The following DNAH1 variants were observed in gnomAD, a reference collection of about 807,000 sequenced individuals.
DNAH1 encodes the protein dynein axonemal heavy chain 1.
Under a neutral mutation model 484.3 loss-of-function variants are expected in DNAH1, and 327 were observed. That is an observed-to-expected ratio of 0.68 (90% CI 0.62 to 0.74). The LOEUF is 0.74. Among genes scored for constraint, DNAH1 ranks in the 30% least tolerant of loss-of-function variants. DNAH1 has a pLI of 0.00. For missense variants in DNAH1, 5,052 were observed against 5,546.8 expected, an observed-to-expected ratio of 0.91 and a Z score of 2.83; for synonymous variants, 2,192 against 2,191.9, an observed-to-expected ratio of 1.00 and a Z score of 0.00.
Position 52,395,053 on chromosome 3 carries a change from A to G in DNAH1, c.10962A>G (p.Glu3654=), listed in dbSNP as rs2153225700. The G allele has an allele frequency of 1.2e-6, 2 of 1,607,878 alleles. No homozygotes were observed. Among genetic ancestry groups the G allele is most frequent in the Non-Finnish European group, 1.7e-6 (2 of 1,177,286 alleles). ...VATNLEPRFI[E]PQTANLSVVF... ...CCAACCTGGAGCCACGCTTCATTGA[A>G]CCCCAGGCAAGTGCTGGAACCCTGG... is the stretch of plus-strand genomic sequence containing the variant. Residue 3654 remains glutamate (E), a synonymous_variant, in exon 68 of 78, where the codon GAA becomes GAG. Transcript: ENST00000420323. This position sits in a 1 kb window ranked among gnomAD's most constrained non-coding sequence, Gnocchi z 4.4.
intron 18 of DNAH1, among the ~76,000 whole-genome samples, 159 bp from the exon 19 acceptor site, chr3:52,352,944 G>A (rs374916893): frequency 2.0e-5 from 3 of 152,216 alleles, no homozygotes; most frequent in African/African-American, 7.2e-5. Context: ...CAGGTGGGAA[G>A]AGAAGAAGGG....
chr3:52,385,406 G>A lies in DNAH1; in HGVS notation c.8584G>A (p.Glu2862Lys), dbSNP rs1704058972. ...DLESMHPLLE[E>K]AAKDTMLTME... ...GGAGAGTATGCACCCCCTGCTGGAG[G>A]AGGCTGCCAAGGACACCATGCTCAC... Residue 2862 changes from glutamate to lysine, a missense_variant, in exon 54 of 78, where the codon GAG becomes AAG. Glu to Lys is a moderately conservative substitution (Grantham distance 56). Around this residue, in one of 4 missense-constraint regions of DNAH1, gnomAD observed 2,929 missense variants for 3,409.4 expected, o/e 0.86. Transcript: ENST00000420323. 6.4e-7 allele frequency: 1 copy of A among 1,552,666 alleles called. No homozygotes were observed. Among genetic ancestry groups the A allele is most frequent in the Non-Finnish European group, 8.7e-7 (1 of 1,147,494 alleles).
Position 52,378,659 on chromosome 3 carries a change from T to C in DNAH1, c.7256T>C (p.Val2419Ala). 3 of 1,613,640 alleles carry C rather than the reference T, an allele frequency of 1.9e-6. No individual in the cohort carries two copies. Among genetic ancestry groups the C allele is most frequent in the East Asian group, 4.5e-5 (2 of 44,866 alleles). ...CCCCTTGTGGAAGCCACCATCATGGTGTATGCAACCATCACCTCCCAGCTG... is the reference window on the plus strand; with the variant it reads ...CCCCTTGTGGAAGCCACCATCATGGCGTATGCAACCATCACCTCCCAGCTG... ...TEPLVEATIM[V>A]YATITSQLLP... Residue 2419 changes from valine (V) to alanine (A), a missense_variant, in exon 47 of 78, where the codon GTG becomes GCG. This residue lies in a region of DNAH1 where 2,929 missense variants were observed against 3,409.4 expected (regional missense o/e 0.86). Transcript: ENST00000420323.
intron 3 of DNAH1, among the ~76,000 whole-genome samples, 176 bp from the exon 4 acceptor site, chr3:52,325,964 C>T (rs1168958455): frequency 6.6e-6 from 1 of 152,182 alleles, no homozygotes; most frequent in Non-Finnish European, 1.5e-5. Context: ...CTCATAGCCC[C>T]AGGACACCTG....
Position 52,383,476 on chromosome 3 carries a change from A to C in DNAH1, c.8032A>C (p.Ile2678Leu), listed in dbSNP as rs980228938. The C allele has an allele frequency of 1.9e-6, 3 of 1,613,808 alleles. No homozygotes were observed. Among genetic ancestry groups the C allele is most frequent in the Non-Finnish European group, 2.5e-6 (3 of 1,179,860 alleles). Reference protein sequence around the residue: ...NLYTADEQDQIVSTMRPYIQE... With the variant: ...NLYTADEQDQLVSTMRPYIQE... ...GTATACTGCGGACGAGCAGGACCAG[A>C]TCGTCAGCACCATGCGGCCCTATAT... Residue 2678 changes from isoleucine (I) to leucine (L), a missense_variant, in exon 51 of 78, where the codon ATC becomes CTC. Coordinates refer to ENST00000420323, the MANE Select transcript of DNAH1 (RefSeq NM_015512.5).
chr3:52,344,672 G>A (rs199858214), intron 9 of DNAH1, 25 bp downstream of exon 9: 2 of 1,603,876 alleles, frequency 1.2e-6, no homozygotes, highest in Non-Finnish European at 1.7e-6. Flanking sequence ...ACCAAGATGG[G>A]CTCCATGGCC....
Position 52,399,632 on chromosome 3 carries a change from G to A in DNAH1, c.12529G>A (p.Asp4177Asn). The A allele has an allele frequency of 6.2e-7, 1 of 1,613,988 alleles. No homozygotes were observed. The highest frequency in any genetic ancestry group is 8.5e-7 in the Non-Finnish European group (1 of 1,179,880). The change falls in exon 77 of 78, where the codon GAT becomes AAT. Residue 4177 changes from aspartate (D) to asparagine (N), a missense_variant. Coordinates refer to ENST00000420323, the MANE Select transcript of DNAH1 (RefSeq NM_015512.5). ...ATTATTCCTGGAAGGTGCCCGCTGG[G>A]ATCCAGAGGCCTTCCAGCTGGCTGA... ...HGLFLEGARW[D>N]PEAFQLAESQ...
Position 52,358,555 on chromosome 3 carries a change from C to T in DNAH1, c.4087-3C>T. On this transcript the variant is annotated splice_region_variant and splice_polypyrimidine_tract_variant and intron_variant, in intron 24 of 77. Transcript: ENST00000420323. This position sits in a 1 kb window ranked among gnomAD's most constrained non-coding sequence, Gnocchi z 4.2. ...CCCACTCCTGCTCCTCCACTGCTTG[C>T]AGCTGCTATTCCAGGAGGACCTGGA... 1.2e-6 allele frequency: 2 copies of T among 1,603,822 alleles called. No homozygotes were observed. Among genetic ancestry groups the T allele is most frequent in the South Asian group, 1.1e-5 (1 of 89,448 alleles).
At position 52,371,990 on chromosome 3, in the gene DNAH1, G is replaced by A. The variant is rs1337007082; in HGVS notation, c.6570G>A (p.Met2190Ile). 6.2e-7 allele frequency: 1 copy of A among 1,613,758 alleles called. No individual in the cohort carries two copies. The highest frequency in any genetic ancestry group is 2.2e-5 in the East Asian group (1 of 44,892). Residue 2190 changes from methionine (M) to isoleucine (I), a missense_variant, in exon 42 of 78, where the codon ATG becomes ATA. By Grantham distance (10) the Met-to-Ile change is conservative. This residue lies in a region of DNAH1 where 2,929 missense variants were observed against 3,409.4 expected (regional missense o/e 0.86). Coordinates refer to ENST00000420323, the MANE Select transcript of DNAH1 (RefSeq NM_015512.5). Reference sequence around the variant, plus strand: ...TGGACTCCTCAGCTCCATTCACCATGGTACCAGACACCAACTACTGCAACA... The same window carrying A: ...TGGACTCCTCAGCTCCATTCACCATAGTACCAGACACCAACTACTGCAACA... ...KWMDSSAPFTMVPDTNYCNII... is the reference protein window; with the variant it reads ...KWMDSSAPFTIVPDTNYCNII...
rs766659160 is a variant in DNAH1 at position 52,395,305 on chromosome 3, C to G, written c.10969-3C>G. The G allele has an allele frequency of 3.1e-6, 5 of 1,613,008 alleles. No individual in the cohort carries two copies. Among genetic ancestry groups the G allele is most frequent in the South Asian group, 1.1e-5 (1 of 90,888 alleles). On this transcript the variant is annotated splice_region_variant and splice_polypyrimidine_tract_variant and intron_variant, in intron 68 of 77. Coordinates refer to ENST00000420323, the MANE Select transcript of DNAH1 (RefSeq NM_015512.5). The surrounding 1 kb of genome is among the most constrained non-coding windows in gnomAD (Gnocchi z 4.4). Reference sequence around the variant, plus strand: ...GTCTCAGCATCTCCCCCTGCCCTTGCAGACAGCCAATCTGTCAGTGGTGTT... The same window carrying G: ...GTCTCAGCATCTCCCCCTGCCCTTGGAGACAGCCAATCTGTCAGTGGTGTT...
intron 76 of DNAH1, 23 bp downstream of exon 76, chr3:52,399,224 G>A (rs1331700243): frequency 6.3e-7 from 1 of 1,581,558 alleles, no homozygotes; most frequent in Non-Finnish European, 8.6e-7. Flanking sequence ...CCAGGGCCAG[G>A]TCAGGTGACA....
At chr3:52,392,370 C>A in intron 63 of DNAH1, 94 bp from the exon 64 acceptor site, 2 of 1,159,464 alleles carry the variant, frequency 1.7e-6, no homozygotes, top group Non-Finnish European at 2.5e-6. Flanking sequence ...GCTCTTGGAG[C>A]CCCAGAAGCA....
Position 52,345,700 on chromosome 3 carries a change from C to A in DNAH1, c.1650C>A (p.Phe550Leu). 1 of 1,612,284 alleles carries A rather than the reference C, an allele frequency of 6.2e-7. No individual in the cohort carries two copies. The highest frequency in any genetic ancestry group is 8.5e-7 in the Non-Finnish European group (1 of 1,179,164). ...EEFEQIQSQTFSQVQMFLKDS... is the reference protein window; with the variant it reads ...EEFEQIQSQTLSQVQMFLKDS... ...TTGAGCAGATCCAGTCACAGACCTT[C>A]TCCCAGGTTTGTGGGCATCAAGGGC... Residue 550 changes from phenylalanine (F) to leucine (L), a missense_variant, in exon 10 of 78, where the codon TTC (phenylalanine) becomes TTA (leucine). This residue lies in a region of DNAH1 where 1,263 missense variants were observed against 1,218.8 expected (regional missense o/e 1.04). Coordinates refer to ENST00000420323, the MANE Select transcript of DNAH1 (RefSeq NM_015512.5).
chr3:52,341,132 G>T (rs1365809271), intron 8 of DNAH1, among the ~76,000 whole-genome samples: 2 of 152,150 alleles, frequency 1.3e-5, no homozygotes, highest in Admixed American at 6.5e-5. Flanking sequence ...GTCTCAGATT[G>T]TCTTAGACAG....
upstream of DNAH1, among the ~76,000 whole-genome samples, chr3:52,313,496 G>A (rs1700858916): frequency 6.6e-6 from 1 of 152,190 alleles, no homozygotes; most frequent in African/African-American, 2.4e-5. Context: ...ACTCTGCCAT[G>A]ACTTTGGGTG....
Position 52,395,823 on chromosome 3 carries a change from C to T in DNAH1, c.11259+145C>T. The T allele has an allele frequency of 8.3e-7, 1 of 1,199,964 alleles. No individual in the cohort carries two copies. The highest frequency in any genetic ancestry group is 1.2e-6 in the Non-Finnish European group (1 of 857,238). 74.3% of individuals were successfully genotyped at this position (1,199,964 alleles called of 1,614,324 possible). On this transcript the variant is annotated intron_variant, in intron 70 of 77. Transcript: ENST00000420323. The surrounding 1 kb of genome is among the most constrained non-coding windows in gnomAD (Gnocchi z 4.4). Reference sequence around the variant, plus strand: ...TGCTCAGCAACTGACATGTGCCACACATCGACATCATTAATCCTCTCAATC... The same window carrying T: ...TGCTCAGCAACTGACATGTGCCACATATCGACATCATTAATCCTCTCAATC...
Position 52,349,085 on chromosome 3 carries a change from C to G in DNAH1, c.2300+4C>G. On this transcript the variant is annotated splice_donor_region_variant and intron_variant, in intron 13 of 77. Coordinates refer to ENST00000420323, the MANE Select transcript of DNAH1 (RefSeq NM_015512.5). ...ATGACATTGCCTCCTTTCTCAAGTG[C>G]GTACGTGTGCCCATGCACGTCGGAG... is the stretch of plus-strand genomic sequence containing the variant. The G allele has an allele frequency of 6.2e-7, 1 of 1,612,850 alleles. No homozygotes were observed. Among genetic ancestry groups the G allele is most frequent in the South Asian group, 1.1e-5 (1 of 91,086 alleles).
rs1704534963 is a variant in DNAH1 at position 52,394,593 on chromosome 3, C to T, written c.10755C>T (p.Ser3585=). ...LALSNLPTFS[S]FSSDFVKHLS... is the part of the protein sequence containing the mutation. The stretch of plus-strand genomic sequence containing the variant: ...TCTCGAACCTGCCAACCTTTTCCTC[C>T]TTCTCTTCCGACTTCGTGAAGCACC... The change falls in exon 67 of 78, where the codon TCC becomes TCT. Residue 3585 remains serine (S), a synonymous_variant. Coordinates refer to ENST00000420323, the MANE Select transcript of DNAH1 (RefSeq NM_015512.5). 2.5e-6 allele frequency: 4 copies of T among 1,609,480 alleles called. No homozygotes were observed. Among genetic ancestry groups the T allele is most frequent in the Admixed American group, 1.7e-5 (1 of 59,648 alleles).
intron 50 of DNAH1, 62 bp from the exon 51 acceptor site, chr3:52,383,324 G>C: frequency 6.8e-7 from 1 of 1,466,646 alleles, no homozygotes; most frequent in Non-Finnish European, 9.5e-7. Context: ...GGTCCAGCGA[G>C]ACTGTGGTCA....
Sources: gnomAD v4.1 joint callset for allele counts (sites outside exome capture counted in the v4.1 genomes callset) on GRCh38, gnomAD v4.1.1 for gene constraint, gnomAD v4.1.1 regional missense constraint, Gnocchi (gnomAD v3.1) non-coding constraint, MANE v1.5 for transcripts, NCBI Gene and HGNC (gene_info 2026-07-23, HGNC 2026-07-21) for gene names.